Variants in PCDHGA5 observed in about 807,000 individuals in gnomAD.
The protein encoded by PCDHGA5 is protocadherin gamma-A5.
A neutral mutation model predicts 56.7 loss-of-function variants in PCDHGA5; 36 were observed. The ratio of observed to expected loss-of-function variants is 0.64; its 90% CI spans 0.49 to 0.84. PCDHGA5 has a LOEUF of 0.84. PCDHGA5 is among the 40% of genes least tolerant of loss of function. The pLI, the probability that PCDHGA5 is intolerant of heterozygous loss-of-function variation, is 0.00. For synonymous variants in PCDHGA5, 563 were observed against 520.2 expected (o/e 1.08, Z -1.12); for missense variants, 1,305 against 1,201.5 (o/e 1.09, Z -1.27).
intron 1 of PCDHGA5, chr5:141,411,189 T>G (rs1222862554): frequency 6.6e-6 from 1 of 152,208 alleles, no homozygotes; most frequent in Non-Finnish European, 1.5e-5. Context: ...TCTTGGCATC[T>G]AAGAAAACAA....
At chr5:141,414,629 G>A (rs2095766704) in intron 1 of PCDHGA5, 2 of 1,613,882 alleles carry the variant, frequency 1.2e-6, no homozygotes, top group Non-Finnish European at 1.7e-6. Context: ...GACCCGGACA[G>A]CAAAGAGAAT....
chr5:141,380,968 A>T (rs1005346854), intron 1 of PCDHGA5, among the ~76,000 whole-genome samples: 1 of 152,270 alleles, frequency 6.6e-6, no homozygotes, highest in African/African-American at 2.4e-5. Flanking sequence ...AAGTACTATT[A>T]AACAAATAGA....
Position 141,512,574 on chromosome 5 carries a change from C to G in PCDHGA5, c.*1401C>G, listed in dbSNP as rs1429371202. 2 of 152,884 alleles carry G rather than the reference C, an allele frequency of 1.3e-5. No homozygotes were observed. Among genetic ancestry groups the G allele is most frequent in the South Asian group, 2.1e-4 (1 of 4,836 alleles). 9.5% of individuals were successfully genotyped at this position (152,884 alleles called of 1,614,324 possible). On this transcript the variant is annotated 3_prime_UTR_variant, in exon 4 of 4. Transcript: ENST00000518069. ...GTGCATAGACCTTCTTCTCCCACCC[C>G]CTTCTGCCCCTGGGTCCCCGGCCAT...
chr5:141,403,069 A>G (rs747569947), intron 1 of PCDHGA5: 3 of 1,613,954 alleles, frequency 1.9e-6, no homozygotes, highest in African/African-American at 2.7e-5. Flanking sequence ...CTGAAGAGAC[A>G]GAAAAGGGCT....
chr5:141,394,487 C>T (rs371014360), intron 1 of PCDHGA5: 11 of 1,614,248 alleles, frequency 6.8e-6, no homozygotes, highest in African/African-American at 5.3e-5. Context: ...AGAATGACAA[C>T]GCGCCCGAGA....
chr5:141,415,408 G>T, intron 1 of PCDHGA5: 1 of 1,614,224 alleles, frequency 6.2e-7, no homozygotes, highest in Non-Finnish European at 8.5e-7. Context: ...CTCGCACTTT[G>T]TGGGCGTGGA....
chr5:141,403,719 C>T (rs758160960), intron 1 of PCDHGA5: 2 of 1,613,864 alleles, frequency 1.2e-6, no homozygotes, highest in Non-Finnish European at 1.7e-6. Context: ...GAGAACGTGC[C>T]CCCAGGCACC....
At position 141,408,540 on chromosome 5, in the gene PCDHGA5, C is replaced by T. The variant is rs201370009; in HGVS notation, c.2421+41789C>T. On this transcript the variant is annotated intron_variant, in intron 1 of 3. Transcript: ENST00000518069. ...CAATTGGAAGCTGTGGTGGAAAATCCTTTAAATATTTTTCATGTCATTGTG... is the reference window on the plus strand; with the variant it reads ...CAATTGGAAGCTGTGGTGGAAAATCTTTTAAATATTTTTCATGTCATTGTG... The T allele has an allele frequency of 1.6e-3, 2,593 of 1,614,046 alleles. 3 individuals are homozygous for T. Among genetic ancestry groups the T allele is most frequent in the Middle Eastern group, 4.5e-3 (27 of 6,062 alleles).
chr5:141,389,649 G>T (rs760551875), intron 1 of PCDHGA5: 16 of 1,612,598 alleles, frequency 9.9e-6, no homozygotes, highest in Non-Finnish European at 1.4e-5. Flanking sequence ...GGTGACCAAG[G>T]TAGTGGCGGT....
intron 1 of PCDHGA5, chr5:141,426,793 A>G: frequency 2.2e-6 from 1 of 456,734 alleles, no homozygotes; most frequent in South Asian, 1.5e-5. Context: ...CAGAGTTACC[A>G]GCTCAGTTCT....
At chr5:141,502,767 C>T (rs970206343) in intron 2 of PCDHGA5, among the ~76,000 whole-genome samples, 1 of 151,756 alleles carries the variant, frequency 6.6e-6, no homozygotes, top group East Asian at 1.9e-4. Flanking sequence ...TGCTGGTATT[C>T]TTCTGAAAAT....
Position 141,489,153 on chromosome 5 carries a change from G to T in PCDHGA5, c.2422-5654G>T. 1 of 935,828 alleles carries T rather than the reference G, an allele frequency of 1.1e-6. No individual in the cohort carries two copies. Among genetic ancestry groups the T allele is most frequent in the South Asian group, 1.8e-5 (1 of 55,006 alleles). 58.0% of individuals were successfully genotyped at this position (935,828 alleles called of 1,614,324 possible). A position where few individuals can be genotyped will look rare whatever the true frequency, so the allele number is the denominator to read the frequency against. Reference sequence around the variant, plus strand: ...TTTAAGAGGCTGGAAGGAGACATAAGAGACTTCAGCTGCTGCATTCCAAGC... The same window carrying T: ...TTTAAGAGGCTGGAAGGAGACATAATAGACTTCAGCTGCTGCATTCCAAGC... On this transcript the variant is annotated intron_variant, in intron 1 of 3. Transcript: ENST00000518069. The surrounding 1 kb of genome is among the most constrained non-coding windows in gnomAD (Gnocchi z 4.5).
Position 141,366,164 on chromosome 5 carries a change from A to G in PCDHGA5, c.1834A>G (p.Ser612Gly), listed in dbSNP as rs1316186931. 1 of 1,614,076 alleles carries G rather than the reference A, an allele frequency of 6.2e-7. No homozygotes were observed. The highest frequency in any genetic ancestry group is 1.6e-4 in the Middle Eastern group (1 of 6,062). ...AWLSYRLLKASEPGLFAVGLH... is the reference protein window; with the variant it reads ...AWLSYRLLKAGEPGLFAVGLH... ...GCTGTCCTACCGCCTGCTTAAGGCC[A>G]GCGAGCCAGGACTCTTTGCGGTTGG... Residue 612 changes from serine (S) to glycine (G), a missense_variant, in exon 1 of 4, where the codon AGC (serine) becomes GGC (glycine). Physicochemically the swap from Ser to Gly is moderately conservative, Grantham distance 56. Transcript: ENST00000518069.
intron 1 of PCDHGA5, chr5:141,392,226 A>C (rs1468453380): frequency 1.3e-5 from 2 of 152,228 alleles, no homozygotes; most frequent in Non-Finnish European, 2.9e-5. Flanking sequence ...GTGACAACTG[A>C]AGTTCTTAGT....
intron 1 of PCDHGA5, chr5:141,383,029 T>G: frequency 6.2e-7 from 1 of 1,613,808 alleles, no homozygotes; most frequent in Non-Finnish European, 8.5e-7. Flanking sequence ...CAAAGGGTCC[T>G]TTGTGGGAGA....
At chr5:141,383,042 T>A (rs1397489820) in intron 1 of PCDHGA5, 10 of 1,613,724 alleles carry the variant, frequency 6.2e-6, no homozygotes, top group Non-Finnish European at 7.6e-6. Flanking sequence ...GTGGGAGACA[T>A]CGCCAAGGAC....
chr5:141,377,556 A>T (rs1171611330), intron 1 of PCDHGA5: 1 of 151,728 alleles, frequency 6.6e-6, no homozygotes, highest in African/African-American at 2.4e-5. Context: ...TAATTGTGTC[A>T]CTGCACCCTA....
intron 1 of PCDHGA5, chr5:141,412,932 T>A: frequency 2.2e-6 from 1 of 453,328 alleles, no homozygotes; most frequent in Non-Finnish European, 3.9e-6. Flanking sequence ...AGTAACTTCT[T>A]AGGACTCTGA....
chr5:141,400,863 T>G (rs370697957), intron 1 of PCDHGA5, among the ~76,000 whole-genome samples: 1 of 152,250 alleles, frequency 6.6e-6, no homozygotes. Context: ...TGTATGTAGA[T>G]AAACCATTAA....
Sources: allele counts gnomAD v4.1 joint callset (sites outside exome capture counted in the v4.1 genomes callset), GRCh38; gene constraint gnomAD v4.1.1; non-coding constraint Gnocchi (gnomAD v3.1); transcripts MANE v1.5; gene names NCBI Gene and HGNC (gene_info 2026-07-23, HGNC 2026-07-21).